Variants in CCDC8 observed in about 807,000 individuals in gnomAD.
CCDC8 encodes the protein coiled-coil domain containing 8 subunit of 3M complex.
In CCDC8, 6 loss-of-function variants were observed where a neutral mutation model predicts 5.2. That is an observed-to-expected ratio of 1.16 (90% CI 0.63 to 2.28). CCDC8 has a LOEUF of 2.28. Ranked by LOEUF, CCDC8 falls within the 30% of genes most tolerant of loss-of-function variation. The pLI is 0.00. For synonymous variants in CCDC8, 310 were observed against 286.5 expected (o/e 1.08, Z -0.83); for missense variants, 724 against 712.2 (o/e 1.02, Z -0.19).
chr19:46,412,144 C>T lies in CCDC8; in HGVS notation c.667G>A (p.Glu223Lys), dbSNP rs1390879223. The change falls in exon 1 of 1, where the codon GAG (glutamate) becomes AAG (lysine). Residue 223 changes from glutamate (E) to lysine (K), a missense_variant. By Grantham distance (56) the Glu-to-Lys change is moderately conservative. Coordinates refer to ENST00000307522, the MANE Select transcript of CCDC8 (RefSeq NM_032040.5). The surrounding 1 kb of genome is among the most constrained non-coding windows in gnomAD (Gnocchi z 4.7). ...WAPRAGPGVG[E>K]ARLASTAVES... ...ACTGCGGTGGAGGCCAGCCGGGCCT[C>T]GCCCACCCCGGGGCCCGCCCTCGGC... 1 of 1,598,430 alleles carries T rather than the reference C, an allele frequency of 6.3e-7. No homozygotes were observed. Among genetic ancestry groups the T allele is most frequent in the South Asian group, 1.1e-5 (1 of 91,036 alleles).
rs765261486 is a variant in CCDC8 at position 46,412,349 on chromosome 19, C to G, written c.462G>C (p.Glu154Asp). ...GCTTCTCCTGTCGCCGGAGGAAGGC[C>G]TCGACCAGTTCCTCATCATCCTCAC... is the stretch of plus-strand genomic sequence containing the variant. ...LESEDDEELV[E>D]AFLRRQEKQP... Residue 154 changes from glutamate (E) to aspartate (D), a missense_variant, in exon 1 of 1, where the codon GAG becomes GAC. Transcript: ENST00000307522. This position sits in a 1 kb window ranked among gnomAD's most constrained non-coding sequence, Gnocchi z 4.7. 3 of 1,613,358 alleles carry G rather than the reference C, an allele frequency of 1.9e-6. No homozygotes were observed. Among genetic ancestry groups the G allele is most frequent in the African/African-American group, 2.7e-5 (2 of 74,932 alleles).
rs1442264052 is a variant in CCDC8 at position 46,411,364 on chromosome 19, G to A, written c.1447C>T (p.Pro483Ser). Reference protein sequence around the residue: ...KQVKTVRFQTPGRFSWFCKRR... With the variant: ...KQVKTVRFQTSGRFSWFCKRR... ...TTGCAAAACCACGAAAAGCGTCCAG[G>A]GGTCTGGAACCTCACTGTCTTGACC... The change falls in exon 1 of 1, where the codon CCT becomes TCT. Residue 483 changes from proline to serine, a missense_variant. Transcript: ENST00000307522. The A allele has an allele frequency of 1.2e-6, 2 of 1,614,204 alleles. No homozygotes were observed. Among genetic ancestry groups the A allele is most frequent in the East Asian group, 2.2e-5 (1 of 44,882 alleles).
chr19:46,411,156 T>C lies in CCDC8; in HGVS notation c.*38A>G, dbSNP rs1304696102. On this transcript the variant is annotated 3_prime_UTR_variant, in exon 1 of 1. Transcript: ENST00000307522. ...GGCAGAGCATCTCTCCCTCCCACAC[T>C]TGGAGGGAGGGCCCGTGGGCTGTCT... The C allele has an allele frequency of 6.2e-7, 1 of 1,612,342 alleles. No homozygotes were observed. Among genetic ancestry groups the C allele is most frequent in the Non-Finnish European group, 8.5e-7 (1 of 1,179,376 alleles).
In CCDC8 at chr19:46,412,786, C is replaced by T. The variant is rs752126210; in HGVS notation, c.25G>A (p.Asp9Asn). 3 of 1,614,052 alleles carry T rather than the reference C, an allele frequency of 1.9e-6. No homozygotes were observed. Among genetic ancestry groups the T allele is most frequent in the East Asian group, 2.2e-5 (1 of 44,870 alleles). Residue 9 changes from aspartate to asparagine, a missense_variant, in exon 1 of 1, where the codon GAC becomes AAC. By Grantham distance (23) the Asp-to-Asn change is conservative. Transcript: ENST00000307522. This position sits in a 1 kb window ranked among gnomAD's most constrained non-coding sequence, Gnocchi z 4.7. The stretch of plus-strand genomic sequence containing the variant: ...ACCTCCCGGGGGATGAGCAAATAGT[C>T]GACGTCCTCCCCGATCTGCAGCATC... The part of the protein sequence containing the change: MLQIGEDV[D>N]YLLIPREVRL...
Position 46,412,502 on chromosome 19 carries a change from G to T in CCDC8, c.309C>A (p.Ser103Arg). The T allele has an allele frequency of 6.2e-7, 1 of 1,607,874 alleles. No individual in the cohort carries two copies. Among genetic ancestry groups the T allele is most frequent in the South Asian group, 1.1e-5 (1 of 91,064 alleles). The stretch of plus-strand genomic sequence containing the variant: ...TCTCGAAGTCGCTGAACTCGCTGTC[G>T]CTGGCGTTGCTGCTGTCGTACGTGC... ...VVGTYDSSNA[S>R]DSEFSDFETS... The change falls in exon 1 of 1, where the codon AGC becomes AGA. Residue 103 changes from serine to arginine, a missense_variant. Transcript: ENST00000307522. This position sits in a 1 kb window ranked among gnomAD's most constrained non-coding sequence, Gnocchi z 4.7.
Position 46,411,621 on chromosome 19 carries a change from G to C in CCDC8, c.1190C>G (p.Ala397Gly), listed in dbSNP as rs772667494. Residue 397 changes from alanine (A) to glycine (G), a missense_variant, in exon 1 of 1, where the codon GCT (alanine) becomes GGT (glycine). Transcript: ENST00000307522. ...ATCTGTAACCTCTGACCCCTGGTCA[G>C]CTGGGGCCTCCGCCCTCTGATTATC... is the stretch of plus-strand genomic sequence containing the variant. ...AADNQRAEAP[A>G]DQGSEVTDNQ... 17 of 1,612,662 alleles carry C rather than the reference G, an allele frequency of 1.1e-5. No individual in the cohort carries two copies. In the South Asian group the frequency reaches 1.4e-4, roughly 14 times the overall value.
Position 46,412,815 on chromosome 19 carries a change from A to T in CCDC8, c.-5T>A. 1.2e-6 allele frequency: 2 copies of T among 1,613,974 alleles called. No homozygotes were observed. Among genetic ancestry groups the T allele is most frequent in the Non-Finnish European group, 1.7e-6 (2 of 1,180,004 alleles). ...GTCCTCCCCGATCTGCAGCATCCCC[A>T]CCGTGGAGTCCTCCTCCTTGCGGAA... On this transcript the variant is annotated 5_prime_UTR_variant, in exon 1 of 1. Coordinates refer to ENST00000307522, the MANE Select transcript of CCDC8 (RefSeq NM_032040.5). This position sits in a 1 kb window ranked among gnomAD's most constrained non-coding sequence, Gnocchi z 4.7.
In CCDC8 at chr19:46,412,124, G is replaced by T. The variant is rs765660373; in HGVS notation, c.687C>A (p.Thr229=). Residue 229 remains threonine, a synonymous_variant, in exon 1 of 1, where the codon ACC becomes ACA. Transcript: ENST00000307522. This position sits in a 1 kb window ranked among gnomAD's most constrained non-coding sequence, Gnocchi z 4.7. ...ATGATACCCCTGCGCTCTCCACTGC[G>T]GTGGAGGCCAGCCGGGCCTCGCCCA... ...PGVGEARLAS[T]AVESAGVSSA... 2.5e-6 allele frequency: 4 copies of T among 1,598,718 alleles called. No individual in the cohort carries two copies. Among genetic ancestry groups the T allele is most frequent in the Non-Finnish European group, 2.5e-6 (3 of 1,179,828 alleles).
rs1973220913 is a variant in CCDC8 at position 46,411,076 on chromosome 19, G to A, written c.*118C>T. On this transcript the variant is annotated 3_prime_UTR_variant, in exon 1 of 1. Coordinates refer to ENST00000307522, the MANE Select transcript of CCDC8 (RefSeq NM_032040.5). ...AACAAAACTTTAACAAGAGAATAAA[G>A]AGGGTTGTTAGGTGGAGACGTGGCC... 1.7e-6 allele frequency: 2 copies of A among 1,210,336 alleles called. No homozygotes were observed. Among genetic ancestry groups the A allele is most frequent in the Non-Finnish European group, 2.3e-6 (2 of 851,342 alleles). The allele number at this position is 1,210,336 out of a possible 1,614,324, so 75.0% of individuals were successfully genotyped here. A position where few individuals can be genotyped will look rare whatever the true frequency, so the allele number is the denominator to read the frequency against.
At position 46,412,802 on chromosome 19, in the gene CCDC8, C is replaced by A. The variant is rs555577708; in HGVS notation, c.9G>T (p.Gln3His). Residue 3 changes from glutamine to histidine, a missense_variant, in exon 1 of 1, where the codon CAG becomes CAT. Transcript: ENST00000307522. The surrounding 1 kb of genome is among the most constrained non-coding windows in gnomAD (Gnocchi z 4.7). ML[Q>H]IGEDVDYLLI... The stretch of plus-strand genomic sequence containing the variant: ...GCAAATAGTCGACGTCCTCCCCGAT[C>A]TGCAGCATCCCCACCGTGGAGTCCT... 37 of 1,614,122 alleles carry A rather than the reference C, an allele frequency of 2.3e-5. 1 individual carries two copies. In the South Asian group the frequency reaches 4.1e-4, roughly 18 times the overall value.
Position 46,411,986 on chromosome 19 carries a change from C to CCGGCGG in CCDC8, c.824_825insCCGCCG (p.Arg277_Arg278dup), listed in dbSNP as rs1442834655. 6.2e-7 allele frequency: 1 copy of CCGGCGG among 1,607,568 alleles called. No individual in the cohort carries two copies. The highest frequency in any genetic ancestry group is 1.1e-5 in the South Asian group (1 of 91,054). ...GTGCTGTCTGCTCCTTCCTGCGGCG[C>CCGGCGG]CGAAAGGAGGCCCAGTTGATCTTGG... On this transcript the variant is annotated inframe_insertion, in exon 1 of 1. Coordinates refer to ENST00000307522, the MANE Select transcript of CCDC8 (RefSeq NM_032040.5).
chr19:46,412,496 G>A lies in CCDC8; in HGVS notation c.315C>T (p.Ser105=). 1 of 1,608,092 alleles carries A rather than the reference G, an allele frequency of 6.2e-7. No individual in the cohort carries two copies. Among genetic ancestry groups the A allele is most frequent in the Non-Finnish European group, 8.5e-7 (1 of 1,179,982 alleles). The change falls in exon 1 of 1, where the codon AGC becomes AGT. Residue 105 remains serine (S), a synonymous_variant. Transcript: ENST00000307522. The surrounding 1 kb of genome is among the most constrained non-coding windows in gnomAD (Gnocchi z 4.7). ...TGGAGGTCTCGAAGTCGCTGAACTC[G>A]CTGTCGCTGGCGTTGCTGCTGTCGT... is the stretch of plus-strand genomic sequence containing the variant. ...GTYDSSNASD[S]EFSDFETSRD...
In CCDC8 at chr19:46,411,535, C is replaced by T. The variant is rs145266047; in HGVS notation, c.1276G>A (p.Asp426Asn). The change falls in exon 1 of 1, where the codon GAT (aspartate) becomes AAT (asparagine). Residue 426 changes from aspartate to asparagine, a missense_variant. Asp to Asn is a conservative substitution (Grantham distance 23). Transcript: ENST00000307522. ...RERAPAVQGADNQRAQARAGQ... is the reference protein window; with the variant it reads ...RERAPAVQGANNQRAQARAGQ... ...GCCCGGGCCTGTGCCCTCTGATTAT[C>T]TGCACCCTGGACAGCTGGGGCCCTT... is the stretch of plus-strand genomic sequence containing the variant. The T allele has an allele frequency of 1.3e-4, 209 of 1,613,836 alleles. 1 individual carries two copies. The highest frequency in any genetic ancestry group is 1.7e-4 in the Non-Finnish European group (204 of 1,179,978).
At position 46,413,197 on chromosome 19, in the gene CCDC8, C is replaced by G. The variant is rs1389121846; in HGVS notation, c.-387G>C. The G allele has an allele frequency of 8.4e-6, 2 of 239,168 alleles. No homozygotes were observed. The highest frequency in any genetic ancestry group is 1.8e-5 in the Non-Finnish European group (2 of 113,374). 14.8% of individuals were successfully genotyped at this position (239,168 alleles called of 1,614,324 possible). Reference sequence around the variant, plus strand: ...CGCCTGCAACAAGTACAGTCTTGACCAAGTCCGGCTCCCCCACCAAGGACT... The same window carrying G: ...CGCCTGCAACAAGTACAGTCTTGACGAAGTCCGGCTCCCCCACCAAGGACT... On this transcript the variant is annotated 5_prime_UTR_variant, in exon 1 of 1. Coordinates refer to ENST00000307522, the MANE Select transcript of CCDC8 (RefSeq NM_032040.5).
Position 46,412,948 on chromosome 19 carries a change from C to G in CCDC8, c.-138G>C, listed in dbSNP as rs891896717. On this transcript the variant is annotated 5_prime_UTR_variant, in exon 1 of 1. Coordinates refer to ENST00000307522, the MANE Select transcript of CCDC8 (RefSeq NM_032040.5). This position sits in a 1 kb window ranked among gnomAD's most constrained non-coding sequence, Gnocchi z 4.7. ...GGGACGCTCCAAAGAATGAGGCAGT[C>G]GGGGGACGGCAGGAAGCCCCAGGGG... 1 of 1,202,772 alleles carries G rather than the reference C, an allele frequency of 8.3e-7. No individual in the cohort carries two copies. The highest frequency in any genetic ancestry group is 1.5e-5 in the African/African-American group (1 of 66,178). 74.5% of individuals were successfully genotyped at this position (1,202,772 alleles called of 1,614,324 possible).
Position 46,411,080 on chromosome 19 carries a change from G to A in CCDC8, c.*114C>T, listed in dbSNP as rs2147430735. Reference sequence around the variant, plus strand: ...AAACTTTAACAAGAGAATAAAGAGGGTTGTTAGGTGGAGACGTGGCCAGCA... The same window carrying A: ...AAACTTTAACAAGAGAATAAAGAGGATTGTTAGGTGGAGACGTGGCCAGCA... On this transcript the variant is annotated 3_prime_UTR_variant, in exon 1 of 1. Transcript: ENST00000307522. 1.6e-6 allele frequency: 2 copies of A among 1,246,604 alleles called. No homozygotes were observed. The highest frequency in any genetic ancestry group is 2.3e-5 in the East Asian group (1 of 42,826). 77.2% of individuals were successfully genotyped at this position (1,246,604 alleles called of 1,614,324 possible). A position where few individuals can be genotyped will look rare whatever the true frequency, so the allele number is the denominator to read the frequency against.
Position 46,411,072 on chromosome 19 carries a change from TA to T in CCDC8, c.*121del. The stretch of plus-strand genomic sequence containing the variant: ...CATGAACAAAACTTTAACAAGAGAA[TA>T]AAGAGGGTTGTTAGGTGGAGACGTG... On this transcript the variant is annotated 3_prime_UTR_variant, in exon 1 of 1. Transcript: ENST00000307522. 8.4e-7 allele frequency: 1 copy of T among 1,192,872 alleles called. No individual in the cohort carries two copies. The highest frequency in any genetic ancestry group is 1.2e-6 in the Non-Finnish European group (1 of 838,230). The allele number at this position is 1,192,872 out of a possible 1,614,324, so 73.9% of individuals were successfully genotyped here. A position where few individuals can be genotyped will look rare whatever the true frequency, so the allele number is the denominator to read the frequency against.
In CCDC8 at chr19:46,412,904, C is replaced by G. The variant is rs1973252806; in HGVS notation, c.-94G>C. 3.3e-6 allele frequency: 5 copies of G among 1,502,692 alleles called. No homozygotes were observed. Among genetic ancestry groups the G allele is most frequent in the Non-Finnish European group, 4.5e-6 (5 of 1,099,844 alleles). The allele number at this position is 1,502,692 out of a possible 1,614,324, so 93.1% of individuals were successfully genotyped here. A position where few individuals can be genotyped will look rare whatever the true frequency, so the allele number is the denominator to read the frequency against. ...GGGCTTCCACGAGGACGTCCAAATC[C>G]ACATCTTTGCAGACATCGGGGACGC... On this transcript the variant is annotated 5_prime_UTR_variant, in exon 1 of 1. Transcript: ENST00000307522. The surrounding 1 kb of genome is among the most constrained non-coding windows in gnomAD (Gnocchi z 4.7).
Position 46,412,990 on chromosome 19 carries a change from G to A in CCDC8, c.-180C>T, listed in dbSNP as rs1057190234. The A allele has an allele frequency of 1.5e-5, 12 of 780,074 alleles. No homozygotes were observed. The highest frequency in any genetic ancestry group is 3.7e-4 in the Middle Eastern group (1 of 2,730). The allele number at this position is 780,074 out of a possible 1,614,324, so 48.3% of individuals were successfully genotyped here. ...CCCCAGGGGAACCAGCCCCCCACGT[G>A]GCTTTTCTCGAGAGTCTTTAAGATC... On this transcript the variant is annotated 5_prime_UTR_variant, in exon 1 of 1. Transcript: ENST00000307522. This position sits in a 1 kb window ranked among gnomAD's most constrained non-coding sequence, Gnocchi z 4.7.
Sources: allele counts gnomAD v4.1 joint callset, GRCh38; gene constraint gnomAD v4.1.1; non-coding constraint Gnocchi (gnomAD v3.1); transcripts MANE v1.5; gene names NCBI Gene and HGNC (gene_info 2026-07-23, HGNC 2026-07-21).